The following SUGCT variants were observed in gnomAD, a reference collection of about 807,000 sequenced individuals.
The protein encoded by SUGCT is succinyl-CoA:glutarate-CoA transferase.
A neutral mutation model predicts 55.0 loss-of-function variants in SUGCT; 41 were observed. The ratio of observed to expected loss-of-function variants is 0.74; its 90% CI spans 0.58 to 0.97. The LOEUF is 0.97. Ranked by LOEUF, SUGCT falls within the 50% of genes least tolerant of loss-of-function variation. SUGCT has a pLI of 0.00. For synonymous variants in SUGCT, 187 were observed against 200.4 expected (o/e 0.93, Z 0.56); for missense variants, 568 against 547.8 (o/e 1.04, Z -0.37).
At chr7:40,601,072 A>G (rs980264659) in intron 12 of SUGCT, among the ~76,000 whole-genome samples, 6 of 152,232 alleles carry the variant, frequency 3.9e-5, no homozygotes, top group Non-Finnish European at 7.3e-5. Flanking sequence ...CCATATTTAT[A>G]TGAAGTTCAA....
intron 13 of SUGCT, among the ~76,000 whole-genome samples, chr7:40,799,879 C>T (rs1584459452): frequency 6.6e-6 from 1 of 152,148 alleles, no homozygotes; most frequent in East Asian, 1.9e-4. Flanking sequence ...GTATAGCAAA[C>T]CTGTCCCAGA....
At chr7:40,190,268 T>A (rs1212342381) in intron 5 of SUGCT, among the ~76,000 whole-genome samples, 2 of 152,122 alleles carry the variant, frequency 1.3e-5, no homozygotes, top group Non-Finnish European at 2.9e-5. Flanking sequence ...TTTCTTTTTT[T>A]AGAAACAGTC....
At chr7:40,872,690 G>GA in the SUGCT span, among the ~76,000 whole-genome samples, 1 of 152,146 alleles carries the variant, frequency 6.6e-6, no homozygotes, top group Non-Finnish European at 1.5e-5. Context: ...TAAGTGTAGA[G>GA]AAAATAGATG....
the SUGCT span, among the ~76,000 whole-genome samples, chr7:40,957,447 C>CT: frequency 0.022 from 1,664 of 75,764 alleles, 22 homozygotes; most frequent in South Asian, 0.06. Flanking sequence ...GCAACCCCTG[C>CT]TTTTTTTTTT....
intron 9 of SUGCT, among the ~76,000 whole-genome samples, chr7:40,361,949 A>C (rs1798176814): frequency 6.6e-6 from 1 of 152,022 alleles, no homozygotes; most frequent in Non-Finnish European, 1.5e-5. Flanking sequence ...CCAAAATTTG[A>C]GAAGCACTGG....
At chr7:40,539,182 C>G (rs1434704336) in intron 12 of SUGCT, 1 of 151,956 alleles carries the variant, frequency 6.6e-6, no homozygotes, top group Non-Finnish European at 1.5e-5. Context: ...GAGAGACTGA[C>G]TAGGATGCCT....
chr7:40,516,579 G>T (rs917919441), intron 12 of SUGCT, among the ~76,000 whole-genome samples: 6 of 152,044 alleles, frequency 3.9e-5, no homozygotes, highest in Admixed American at 2.6e-4. Context: ...AGTTGGCACA[G>T]CACCAGTTAT....
chr7:40,693,687 G>A (rs1784796065), intron 12 of SUGCT, among the ~76,000 whole-genome samples: 1 of 152,132 alleles, frequency 6.6e-6, no homozygotes, highest in African/African-American at 2.4e-5. Context: ...AAGAAAGCCT[G>A]ACTTTTTATT....
At chr7:40,683,269 G>T (rs1784329918) in intron 12 of SUGCT, among the ~76,000 whole-genome samples, 1 of 152,104 alleles carries the variant, frequency 6.6e-6, no homozygotes, top group Non-Finnish European at 1.5e-5. Context: ...TTGAAGTGAA[G>T]GACAACATCT....
At chr7:40,934,316 A>C in the SUGCT span, among the ~76,000 whole-genome samples, 23 of 152,198 alleles carry the variant, frequency 1.5e-4, no homozygotes, top group Admixed American at 4.6e-4. Flanking sequence ...TGGAAGCTTC[A>C]TCCCAGAGGG....
intron 12 of SUGCT, among the ~76,000 whole-genome samples, chr7:40,599,274 A>G (rs1482925348): frequency 1.3e-5 from 2 of 152,184 alleles, no homozygotes; most frequent in Non-Finnish European, 2.9e-5. Context: ...TAGCGTGTGT[A>G]TTCTCATTAA....
At chr7:41,023,333 A>G in the SUGCT span, among the ~76,000 whole-genome samples, 54 of 152,246 alleles carry the variant, frequency 3.5e-4, no homozygotes, top group Non-Finnish European at 1.2e-4. Flanking sequence ...ATATGTAAAC[A>G]TAAAGAAATA....
chr7:40,878,252 C>A, the SUGCT span, among the ~76,000 whole-genome samples: 1 of 152,058 alleles, frequency 6.6e-6, no homozygotes, highest in Admixed American at 6.5e-5. Flanking sequence ...GAAAGATTTT[C>A]TTTTTTAAAA....
Position 40,427,607 on chromosome 7 carries a change from C to T in SUGCT, c.817-21680C>T, listed in dbSNP as rs567997834. On this transcript the variant is annotated intron_variant, in intron 9 of 13. Coordinates refer to ENST00000335693, the MANE Select transcript of SUGCT (RefSeq NM_001193313.2). ...TGTTTTTCAGTATTTAGTTCCACCT[C>T]GGTTTTTATTTTAACCTCATAATCA... Among the ~76,000 whole-genome samples, 12 of 152,284 alleles carry T rather than the reference C, an allele frequency of 7.9e-5. No individual in the cohort carries two copies. In the East Asian group the frequency reaches 2.3e-3, roughly 29 times the overall value.
chr7:40,158,584 TACTAAAAATACAAAAA>T (rs1471493405), intron 1 of SUGCT, among the ~76,000 whole-genome samples: 3 of 152,170 alleles, frequency 2.0e-5, no homozygotes, highest in African/African-American at 7.2e-5. Flanking sequence ...AACCCATCTC[TACTAAAAATACAAAAA>T]TTAGCCGGGC....
chr7:40,297,733 TG>T (rs1794255470), intron 8 of SUGCT, among the ~76,000 whole-genome samples: 1 of 152,326 alleles, frequency 6.6e-6, no homozygotes, highest in Admixed American at 6.5e-5. Flanking sequence ...GGTCTTGTTT[TG>T]TTTTGGGTTC....
At chr7:40,756,159 C>A (rs1055528810) in intron 13 of SUGCT, among the ~76,000 whole-genome samples, 2 of 152,150 alleles carry the variant, frequency 1.3e-5, no homozygotes, top group African/African-American at 4.8e-5. Context: ...TAAAACACTT[C>A]TCTGGGTTTG....
At chr7:40,425,883 G>T (rs544126828) in intron 9 of SUGCT, among the ~76,000 whole-genome samples, 2 of 152,242 alleles carry the variant, frequency 1.3e-5, no homozygotes, top group South Asian at 4.1e-4. Context: ...GGGAAGCCTT[G>T]TTAATGAATG....
At chr7:40,150,670 C>CAACAAAACAAAACAA (rs140041088) in intron 1 of SUGCT, among the ~76,000 whole-genome samples, 1,768 of 151,920 alleles carry the variant, frequency 0.012, 29 homozygotes, top group African/African-American at 0.041. Flanking sequence ...AAACTACACA[C>CAACAAAACAAAACAA]AACAAAACAA....
Sources: gnomAD v4.1 joint callset for allele counts (sites outside exome capture counted in the v4.1 genomes callset) on GRCh38, gnomAD v4.1.1 for gene constraint, MANE v1.5 for transcripts, NCBI Gene and HGNC (gene_info 2026-07-23, HGNC 2026-07-21) for gene names.